Variants in TTC17 observed in about 807,000 individuals in gnomAD.
TTC17 encodes tetratricopeptide repeat domain 17, also known as tetratricopeptide repeat protein 17.
Under a neutral mutation model 143.8 loss-of-function variants are expected in TTC17, and 58 were observed. The ratio of observed to expected loss-of-function variants is 0.40; its 90% CI spans 0.33 to 0.50. The LOEUF is 0.50. Ranked by LOEUF, TTC17 falls within the 20% of genes least tolerant of loss-of-function variation. The pLI, the probability that TTC17 is intolerant of heterozygous loss-of-function variation, is 0.49. For missense variants in TTC17, 1,273 were observed against 1,392.5 expected (o/e 0.91, Z 1.37); for synonymous variants, 501 against 497.8 (o/e 1.01, Z -0.09).
At position 43,397,640 on chromosome 11, in the gene TTC17, A is replaced by G. The variant is rs931418833; in HGVS notation, c.918+149A>G. The G allele has an allele frequency of 8.4e-6, 8 of 956,160 alleles. No individual in the cohort carries two copies. In the African/African-American group the frequency reaches 1.1e-4, roughly 14 times the overall value. 59.2% of individuals were successfully genotyped at this position (956,160 alleles called of 1,614,324 possible). On this transcript the variant is annotated intron_variant, in intron 7 of 23. Coordinates refer to ENST00000039989, the MANE Select transcript of TTC17 (RefSeq NM_018259.6). ...AAATTAGGAGGAAGAAAAATCCTCA[A>G]CACAGTAATGTAATTATTCTAGCCT...
intron 1 of TTC17, among the ~76,000 whole-genome samples, chr11:43,368,991 G>C (rs759268019): frequency 6.6e-6 from 1 of 152,112 alleles, no homozygotes; most frequent in African/African-American, 2.4e-5. Context: ...ATGGCATCAC[G>C]GCTCAGCCTC....
intron 16 of TTC17, among the ~76,000 whole-genome samples, chr11:43,422,531 T>C (rs568148829): frequency 1.3e-5 from 2 of 152,174 alleles, no homozygotes; most frequent in African/African-American, 4.8e-5. Context: ...TAGGGTATTC[T>C]AGCCAACATT....
At chr11:43,427,722 G>T (rs772724604) in intron 16 of TTC17, among the ~76,000 whole-genome samples, 4 of 152,038 alleles carry the variant, frequency 2.6e-5, no homozygotes, top group Non-Finnish European at 5.9e-5. Flanking sequence ...CCTGTGACTT[G>T]CCATGGTAGT....
chr11:43,463,888 T>C (rs191817660), intron 21 of TTC17, among the ~76,000 whole-genome samples: 1 of 152,376 alleles, frequency 6.6e-6, no homozygotes, highest in African/African-American at 2.4e-5. Flanking sequence ...AATAAAAGAC[T>C]AATTGCATAT....
In TTC17 at chr11:43,407,431, G is replaced by T. The variant is rs753554605; in HGVS notation, c.1918G>T (p.Ala640Ser). Residue 640 changes from alanine to serine, a missense_variant, in exon 15 of 24, where the codon GCC becomes TCC. By Grantham distance (99) the Ala-to-Ser change is moderately conservative. Coordinates refer to ENST00000039989, the MANE Select transcript of TTC17 (RefSeq NM_018259.6). ...RAVGNSTFAI[A>S]CLQRALNLAP... ...AGTAGGAAATAGCACTTTTGCTATT[G>T]CCTGTCTTCAGAGGGCTTTGAATTT... is the stretch of plus-strand genomic sequence containing the variant. 6.2e-7 allele frequency: 1 copy of T among 1,614,018 alleles called. No homozygotes were observed. The highest frequency in any genetic ancestry group is 8.5e-7 in the Non-Finnish European group (1 of 1,179,972).
chr11:43,455,876 C>T (rs1350933603), intron 21 of TTC17, among the ~76,000 whole-genome samples: 2 of 151,936 alleles, frequency 1.3e-5, no homozygotes, highest in Non-Finnish European at 2.9e-5. Context: ...TATCATTGTT[C>T]CCCAAATCTG....
At chr11:43,367,617 C>A (rs11601589) in intron 1 of TTC17, among the ~76,000 whole-genome samples, 1 of 152,070 alleles carries the variant, frequency 6.6e-6, no homozygotes, top group Non-Finnish European at 1.5e-5. Context: ...AAAATTAGAA[C>A]AACTTTGCAT....
intron 16 of TTC17, among the ~76,000 whole-genome samples, chr11:43,424,123 G>A (rs189078047): frequency 9.7e-4 from 141 of 144,984 alleles, no homozygotes; most frequent in South Asian, 1.7e-3. Flanking sequence ...AGTCTCGCTC[G>A]CTCTTGTCGC....
chr11:43,372,023 G>A (rs1856586365), intron 1 of TTC17, among the ~76,000 whole-genome samples: 2 of 152,054 alleles, frequency 1.3e-5, no homozygotes, highest in Non-Finnish European at 2.9e-5. Context: ...GGTGAACTAT[G>A]ATCACACCAG....
chr11:43,399,205 C>A (rs1361062047), intron 8 of TTC17, among the ~76,000 whole-genome samples: 1 of 151,988 alleles, frequency 6.6e-6, no homozygotes, highest in Non-Finnish European at 1.5e-5. Context: ...TAAGCAGAAT[C>A]TAGGGAAAAA....
Position 43,443,419 on chromosome 11 carries a change from T to G in TTC17, c.2346T>G (p.Phe782Leu). 6.2e-7 allele frequency: 1 copy of G among 1,614,148 alleles called. No individual in the cohort carries two copies. Among genetic ancestry groups the G allele is most frequent in the Non-Finnish European group, 8.5e-7 (1 of 1,180,018 alleles). Residue 782 changes from phenylalanine (F) to leucine (L), a missense_variant, in exon 17 of 24, where the codon TTT (phenylalanine) becomes TTG (leucine). By Grantham distance (22) the Phe-to-Leu change is conservative. Around this residue, in one of 3 missense-constraint regions of TTC17, gnomAD observed 878 missense variants for 899.8 expected, o/e 0.98. Coordinates refer to ENST00000039989, the MANE Select transcript of TTC17 (RefSeq NM_018259.6). ...AAATACTGGCTTTGGTGGATGAATT[T>G]CAACAGGCATGGCCTTTGGAAGGCT... Reference protein sequence around the residue: ...SEEILALVDEFQQAWPLEGFG... With the variant: ...SEEILALVDELQQAWPLEGFG...
Position 43,389,699 on chromosome 11 carries a change from A to G in TTC17, c.297A>G (p.Arg99=). ...QKIHIEENED[R]DTGLEQRHNK... ...TTCACATAGAAGAGAATGAGGACAG[A>G]GACACAGGACTGGAACAGAGACATA... Residue 99 remains arginine, a synonymous_variant, in exon 3 of 24, where the codon AGA becomes AGG. Coordinates refer to ENST00000039989, the MANE Select transcript of TTC17 (RefSeq NM_018259.6). 1.2e-6 allele frequency: 2 copies of G among 1,613,512 alleles called. No individual in the cohort carries two copies. Among genetic ancestry groups the G allele is most frequent in the Non-Finnish European group, 1.7e-6 (2 of 1,179,684 alleles).
At chr11:43,444,722 TAC>T (rs10638143) in intron 18 of TTC17, among the ~76,000 whole-genome samples, 11,822 of 143,478 alleles carry the variant, frequency 0.082, 584 homozygotes, top group African/African-American at 0.15. Context: ...ACCAAATACA[TAC>T]ACACACACAC....
chr11:43,444,291 G>C, intron 18 of TTC17, 82 bp downstream of exon 18: 1 of 1,421,996 alleles, frequency 7.0e-7, no homozygotes, highest in Non-Finnish European at 9.4e-7. Flanking sequence ...TTTGTAACTT[G>C]AAATAGTTCA....
chr11:43,387,170 CAT>C (rs1857200310), intron 2 of TTC17, among the ~76,000 whole-genome samples: 1 of 152,162 alleles, frequency 6.6e-6, no homozygotes, highest in Non-Finnish European at 1.5e-5. Context: ...ATCTCATAAA[CAT>C]ATGAAAATAT....
At chr11:43,467,314 T>C (rs1047489522) in intron 21 of TTC17, among the ~76,000 whole-genome samples, 1 of 152,136 alleles carries the variant, frequency 6.6e-6, no homozygotes, top group African/African-American at 2.4e-5. Context: ...AAATATGGGA[T>C]ATACACACTA....
chr11:43,444,938 T>C (rs904080212), intron 18 of TTC17, among the ~76,000 whole-genome samples: 2 of 152,208 alleles, frequency 1.3e-5, no homozygotes, highest in Non-Finnish European at 2.9e-5. Context: ...TTTAAAAATA[T>C]ACCAGTTATT....
intron 21 of TTC17, chr11:43,468,485 T>C (rs953115355): frequency 6.6e-6 from 1 of 151,714 alleles, no homozygotes; most frequent in Non-Finnish European, 1.5e-5. Context: ...TCCAGAAAAA[T>C]CAACTTGAGA....
intron 6 of TTC17, 157 bp from the exon 7 acceptor site, chr11:43,397,186 GCTAT>G: frequency 1.4e-6 from 1 of 715,266 alleles, no homozygotes; most frequent in East Asian, 2.7e-5. Context: ...AAAATTTGTA[GCTAT>G]CAGATTAAGA....
Sources: allele counts gnomAD v4.1 joint callset (sites outside exome capture counted in the v4.1 genomes callset), GRCh38; gene constraint gnomAD v4.1.1; regional missense constraint gnomAD v4.1.1; transcripts MANE v1.5; gene names NCBI Gene and HGNC (gene_info 2026-07-23, HGNC 2026-07-21).